Variants in CLEC16A observed in about 807,000 individuals in gnomAD.
CLEC16A encodes C-type lectin domain containing 16A.
Under a neutral mutation model 109.5 loss-of-function variants are expected in CLEC16A, and 51 were observed. The observed-to-expected ratio is 0.47, with a 90% CI of 0.37 to 0.59. The LOEUF (loss-of-function observed/expected upper bound fraction) is 0.59, where lower values mean the gene tolerates loss of function less well. Ranked by LOEUF, CLEC16A falls within the 20% of genes least tolerant of loss-of-function variation. The pLI is 0.00. For missense variants in CLEC16A, 1,339 were observed against 1,394.0 expected (o/e 0.96, Z 0.63); for synonymous variants, 673 against 564.2 (o/e 1.19, Z -2.73).
At chr16:11,136,461 T>TTTGTTG (rs151238568) in intron 22 of CLEC16A, among the ~76,000 whole-genome samples, 55 of 151,988 alleles carry the variant, frequency 3.6e-4, no homozygotes, top group Non-Finnish European at 4.4e-4. Context: ...CTCTTGCCAT[T>TTTGTTG]TTGTTGTTGT....
intron 11 of CLEC16A, among the ~76,000 whole-genome samples, chr16:11,015,414 G>A (rs1380239892): frequency 6.6e-6 from 1 of 152,184 alleles, no homozygotes; most frequent in Non-Finnish European, 1.5e-5. Flanking sequence ...GTGGGTTTCT[G>A]TGCACTCATA....
At chr16:10,955,535 G>A (rs2041946076) in intron 1 of CLEC16A, among the ~76,000 whole-genome samples, 1 of 152,180 alleles carries the variant, frequency 6.6e-6, no homozygotes. Flanking sequence ...CCCGAGCTGG[G>A]TTTTGAAATG....
At chr16:10,951,276 G>A (rs1215146957) in intron 1 of CLEC16A, among the ~76,000 whole-genome samples, 2 of 152,218 alleles carry the variant, frequency 1.3e-5, no homozygotes, top group Admixed American at 1.3e-4. Context: ...TCCTGCTGGG[G>A]ATATGAGAAT....
Position 11,168,040 on chromosome 16 carries a change from T to C in CLEC16A, c.2806+1488T>C, listed in dbSNP as rs77448428. On this transcript the variant is annotated intron_variant, in intron 23 of 23. Coordinates refer to ENST00000409790, the MANE Select transcript of CLEC16A (RefSeq NM_015226.3). ...TGTAGCTGTGGTCACCTTTCTGTCA[T>C]TTTTAAGGACGTACAGCCAACAGCT... Among the ~76,000 whole-genome samples, 400 of 152,328 alleles carry C rather than the reference T, an allele frequency of 2.6e-3. 1 individual carries two copies. Among genetic ancestry groups the C allele is most frequent in the African/African-American group, 9.3e-3 (385 of 41,572 alleles).
At chr16:11,109,169 C>CTT (rs35252592) in intron 19 of CLEC16A, among the ~76,000 whole-genome samples, 20,102 of 132,988 alleles carry the variant, frequency 0.15, 1,865 homozygotes, top group South Asian at 0.24. Flanking sequence ...ACAGCCCTGA[C>CTT]TTTTTTTTTT....
chr16:10,982,616 T>C (rs967705246), intron 9 of CLEC16A, among the ~76,000 whole-genome samples: 2 of 152,202 alleles, frequency 1.3e-5, no homozygotes, highest in East Asian at 1.9e-4. Context: ...CACCCAGCCA[T>C]GAGGGACAGT....
intron 10 of CLEC16A, among the ~76,000 whole-genome samples, chr16:10,994,605 G>A (rs2147159488): frequency 6.6e-6 from 1 of 152,284 alleles, no homozygotes; most frequent in East Asian, 1.9e-4. Flanking sequence ...ATGGGAGGCT[G>A]AGGCTGGAGT....
chr16:10,976,164 G>A (rs545194683), intron 7 of CLEC16A, among the ~76,000 whole-genome samples: 1 of 152,238 alleles, frequency 6.6e-6, no homozygotes, highest in Non-Finnish European at 1.5e-5. Flanking sequence ...GAGATGCTTT[G>A]GAGGCTGAGG....
chr16:11,051,787 C>G, intron 18 of CLEC16A, 146 bp downstream of exon 18: 1 of 1,058,292 alleles, frequency 9.4e-7, no homozygotes, highest in Non-Finnish European at 1.3e-6. Context: ...CATTTGCCCC[C>G]AGGCATGACT....
At chr16:11,161,611 T>A (rs1335269243) in intron 22 of CLEC16A, among the ~76,000 whole-genome samples, 4 of 152,096 alleles carry the variant, frequency 2.6e-5, no homozygotes, top group Non-Finnish European at 5.9e-5. Context: ...CTTCCCTGAG[T>A]CCTATGGATT....
At chr16:11,096,637 C>A (rs1185592126) in intron 19 of CLEC16A, among the ~76,000 whole-genome samples, 1 of 152,110 alleles carries the variant, frequency 6.6e-6, no homozygotes, top group Non-Finnish European at 1.5e-5. Flanking sequence ...ATGAGGTCAC[C>A]CTGTGCACGC....
chr16:11,182,069 T>A lies in CLEC16A; in HGVS notation c.*3379T>A, dbSNP rs202225458. ...GAGCCTCGGGACCGCTCTAGGGAAG[T>A]ACCTGCTTTCGCCAGCATGACTCAT... On this transcript the variant is annotated 3_prime_UTR_variant, in exon 24 of 24. Transcript: ENST00000409790. The A allele has an allele frequency of 6.6e-6, 1 of 152,348 alleles. No homozygotes were observed. The highest frequency in any genetic ancestry group is 1.5e-5 in the Non-Finnish European group (1 of 68,036). The allele number at this position is 152,348 out of a possible 1,614,324, so 9.4% of individuals were successfully genotyped here.
chr16:11,086,097 A>G (rs1260684679), intron 19 of CLEC16A, among the ~76,000 whole-genome samples: 1 of 152,182 alleles, frequency 6.6e-6, no homozygotes, highest in Non-Finnish European at 1.5e-5. Flanking sequence ...GTGCATTGTT[A>G]CTGTTATTGC....
At chr16:11,076,661 C>T (rs1226108884) in intron 19 of CLEC16A, among the ~76,000 whole-genome samples, 1 of 152,160 alleles carries the variant, frequency 6.6e-6, no homozygotes, top group African/African-American at 2.4e-5. Context: ...CCACAGAACA[C>T]CCAAAACAAA....
chr16:10,998,680 A>G (rs2044476384), intron 10 of CLEC16A, among the ~76,000 whole-genome samples: 1 of 150,774 alleles, frequency 6.6e-6, no homozygotes, highest in African/African-American at 2.4e-5. Flanking sequence ...TCCTTTTTTC[A>G]TCATTCTGTC....
At chr16:11,015,325 C>G (rs376351819) in intron 11 of CLEC16A, among the ~76,000 whole-genome samples, 2 of 143,228 alleles carry the variant, frequency 1.4e-5, no homozygotes, top group African/African-American at 2.6e-5. Flanking sequence ...AGATGTGACA[C>G]GGGGGTTGGG....
chr16:11,053,315 T>G (rs1266772485), intron 18 of CLEC16A, among the ~76,000 whole-genome samples: 1 of 152,186 alleles, frequency 6.6e-6, no homozygotes, highest in African/African-American at 2.4e-5. Context: ...CCTCATTAAA[T>G]TCTATAACCA....
intron 13 of CLEC16A, chr16:11,035,974 A>G (rs1029203835): frequency 5.9e-5 from 9 of 152,220 alleles, no homozygotes; most frequent in African/African-American, 2.2e-4. Flanking sequence ...AAGAAGGGAG[A>G]TGTTCAGAGG....
At chr16:11,155,128 A>G (rs917054999) in intron 22 of CLEC16A, among the ~76,000 whole-genome samples, 1 of 152,170 alleles carries the variant, frequency 6.6e-6, no homozygotes, top group Non-Finnish European at 1.5e-5. Flanking sequence ...CCTGTCTCCA[A>G]AAAAAGAGAA....
Sources: gnomAD v4.1 joint callset for allele counts (sites outside exome capture counted in the v4.1 genomes callset) on GRCh38, gnomAD v4.1.1 for gene constraint, MANE v1.5 for transcripts, NCBI Gene and HGNC (gene_info 2026-07-23, HGNC 2026-07-21) for gene names.